The following TGFB2 variants were observed in gnomAD, a reference collection of about 807,000 sequenced individuals.
TGFB2 encodes the protein transforming growth factor beta-2 proprotein.
A neutral mutation model predicts 42.7 loss-of-function variants in TGFB2; 13 were observed. The observed-to-expected ratio is 0.30, with a 90% CI of 0.20 to 0.48. The LOEUF (loss-of-function observed/expected upper bound fraction) is 0.48, where lower values mean the gene tolerates loss of function less well. TGFB2 is among the 20% of genes least tolerant of loss of function. TGFB2 has a pLI of 0.99. For synonymous variants in TGFB2, 193 were observed against 193.6 expected (o/e 1.00, Z 0.03); for missense variants, 390 against 517.5 (o/e 0.75, Z 2.39).
chr1:218,396,853 T>C (rs1017763890), intron 1 of TGFB2, among the ~76,000 whole-genome samples: 6 of 152,196 alleles, frequency 3.9e-5, no homozygotes, highest in Admixed American at 3.9e-4. Context: ...AAATGTGCAG[T>C]CAAGGCAGAC....
rs1284010147 is a variant in TGFB2 at position 218,346,129 on chromosome 1, C to T, written c.-573C>T. On this transcript the variant is annotated 5_prime_UTR_variant, in exon 1 of 7. Transcript: ENST00000366930. The surrounding 1 kb of genome is among the most constrained non-coding windows in gnomAD (Gnocchi z 4.9). The stretch of plus-strand genomic sequence containing the variant: ...CTCTGCTCCGGAGCTGCTGCTGCTC[C>T]TGCTCTCAGCGCCGCAGTGGAAGGC... 6.4e-6 allele frequency: 1 copy of T among 155,414 alleles called. No individual in the cohort carries two copies. Among genetic ancestry groups the T allele is most frequent in the Non-Finnish European group, 1.4e-5 (1 of 70,710 alleles). The allele number at this position is 155,414 out of a possible 1,614,324, so 9.6% of individuals were successfully genotyped here.
intron 1 of TGFB2, among the ~76,000 whole-genome samples, chr1:218,401,537 T>C (rs1264548803): frequency 6.6e-6 from 1 of 152,116 alleles, no homozygotes; most frequent in African/African-American, 2.4e-5. Flanking sequence ...ATCGATTTGA[T>C]TGAACTGAAA....
chr1:218,407,541 A>C (rs1253580897), intron 2 of TGFB2, among the ~76,000 whole-genome samples: 2 of 152,228 alleles, frequency 1.3e-5, no homozygotes, highest in Non-Finnish European at 2.9e-5. Flanking sequence ...GTCAGAGAGC[A>C]TGCTTGTGTG....
chr1:218,433,555 G>A (rs1455148529), intron 2 of TGFB2, among the ~76,000 whole-genome samples: 1 of 152,192 alleles, frequency 6.6e-6, no homozygotes, highest in Non-Finnish European at 1.5e-5. Flanking sequence ...CAAAAGCTGA[G>A]GCATGACACA....
At chr1:218,430,664 CAG>C (rs1659778044) in intron 2 of TGFB2, among the ~76,000 whole-genome samples, 1 of 152,166 alleles carries the variant, frequency 6.6e-6, no homozygotes, top group African/African-American at 2.4e-5. Flanking sequence ...GGGAGATAAA[CAG>C]AGGATAGTGA....
chr1:218,362,831 C>T (rs898725996), intron 1 of TGFB2, among the ~76,000 whole-genome samples: 2 of 152,134 alleles, frequency 1.3e-5, no homozygotes, highest in Admixed American at 6.5e-5. Flanking sequence ...AGCCCCAAAC[C>T]AATATTCACT....
Position 218,352,739 on chromosome 1 carries a change from G to A in TGFB2, c.346+5692G>A, listed in dbSNP as rs562803783. Reference sequence around the variant, plus strand: ...TTGACTCTGAATGAAACTGCCCCTTGGCCTCTTCCCTACCATCTCTAAATT... The same window carrying A: ...TTGACTCTGAATGAAACTGCCCCTTAGCCTCTTCCCTACCATCTCTAAATT... On this transcript the variant is annotated intron_variant, in intron 1 of 6. Coordinates refer to ENST00000366930, the MANE Select transcript of TGFB2 (RefSeq NM_003238.6). Among the ~76,000 whole-genome samples, 29 of 152,148 alleles carry A rather than the reference G, an allele frequency of 1.9e-4. No homozygotes were observed. The East Asian group carries it at 4.8e-3, about 25-fold the overall frequency.
chr1:218,396,925 CT>C (rs1342618768), intron 1 of TGFB2, among the ~76,000 whole-genome samples: 1 of 152,210 alleles, frequency 6.6e-6, no homozygotes, highest in Non-Finnish European at 1.5e-5. Flanking sequence ...AACTCTTCCT[CT>C]TTTCTCTGTC....
At chr1:218,391,957 A>G (rs11466387) in intron 1 of TGFB2, among the ~76,000 whole-genome samples, 15 of 152,322 alleles carry the variant, frequency 9.8e-5, no homozygotes, top group African/African-American at 3.6e-4. Flanking sequence ...CAACTAGAAC[A>G]AGTGAATGGC....
At chr1:218,377,723 G>C (rs1020462685) in intron 1 of TGFB2, among the ~76,000 whole-genome samples, 14 of 151,582 alleles carry the variant, frequency 9.2e-5, no homozygotes, top group Admixed American at 6.6e-5. Flanking sequence ...CTATACCCTG[G>C]GTAGCTGTGG....
At chr1:218,421,998 C>T (rs1224891063) in intron 2 of TGFB2, among the ~76,000 whole-genome samples, 1 of 152,156 alleles carries the variant, frequency 6.6e-6, no homozygotes, top group Admixed American at 6.5e-5. Flanking sequence ...TTTCAGACTT[C>T]TAGCCCCCAG....
chr1:218,382,191 T>C (rs527676904), intron 1 of TGFB2, among the ~76,000 whole-genome samples: 2 of 152,288 alleles, frequency 1.3e-5, no homozygotes, highest in African/African-American at 4.8e-5. Context: ...CCCCACCTCC[T>C]GCAGTGCTCA....
At position 218,381,246 on chromosome 1, in the gene TGFB2, G is replaced by GTTTT. The variant is rs1254161258; in HGVS notation, c.347-23921_347-23918dup. ...AGATATTTGCCAAAGGCACATTTTT[G>GTTTT]TTTTTGTTTTTGTTTTTTTTTTTTT... On this transcript the variant is annotated intron_variant, in intron 1 of 6. Coordinates refer to ENST00000366930, the MANE Select transcript of TGFB2 (RefSeq NM_003238.6). Among the ~76,000 whole-genome samples, 3 of 131,080 alleles carry GTTTT rather than the reference G, an allele frequency of 2.3e-5. 1 individual carries two copies. Among genetic ancestry groups the GTTTT allele is most frequent in the African/African-American group, 8.2e-5 (3 of 36,612 alleles). The allele number at this position is 131,080 out of a possible 152,430, so 86.0% of individuals were successfully genotyped here.
intron 1 of TGFB2, among the ~76,000 whole-genome samples, chr1:218,394,963 T>C (rs907105621): frequency 1.2e-4 from 18 of 152,276 alleles, no homozygotes; most frequent in Admixed American, 9.8e-4. Context: ...CTCTGGGGAA[T>C]GGCTAATGAA....
At chr1:218,433,321 C>G (rs1403543030) in intron 2 of TGFB2, among the ~76,000 whole-genome samples, 7 of 152,176 alleles carry the variant, frequency 4.6e-5, no homozygotes, top group Non-Finnish European at 8.8e-5. Flanking sequence ...TCCAACTCAG[C>G]CTCCCAAAGT....
At chr1:218,357,508 C>T (rs950638276) in intron 1 of TGFB2, among the ~76,000 whole-genome samples, 2 of 152,312 alleles carry the variant, frequency 1.3e-5, no homozygotes, top group Admixed American at 6.5e-5. Context: ...AAAGCCTCAT[C>T]GTGCTGAGAA....
chr1:218,379,699 A>G (rs112018155), intron 1 of TGFB2, among the ~76,000 whole-genome samples: 252 of 152,250 alleles, frequency 1.7e-3, no homozygotes, highest in African/African-American at 5.6e-3. Context: ...CTCATGCCTG[A>G]GAGAAGTTCA....
At position 218,422,661 on chromosome 1, in the gene TGFB2, G is replaced by A. The variant is rs566075937; in HGVS notation, c.511-11421G>A. Among the ~76,000 whole-genome samples, 3 of 152,248 alleles carry A rather than the reference G, an allele frequency of 2.0e-5. No homozygotes were observed. The South Asian group carries it at 6.2e-4, about 32-fold the overall frequency. On this transcript the variant is annotated intron_variant, in intron 2 of 6. Transcript: ENST00000366930. ...TTCCCTGACCTCATCTACCTGGCAAGGATAGATGCCCTGCCTGTAACATTT... is the reference window on the plus strand; with the variant it reads ...TTCCCTGACCTCATCTACCTGGCAAAGATAGATGCCCTGCCTGTAACATTT...
chr1:218,423,021 C>T (rs2102614511), intron 2 of TGFB2, among the ~76,000 whole-genome samples: 1 of 152,246 alleles, frequency 6.6e-6, no homozygotes, highest in South Asian at 2.1e-4. Context: ...GTAAAAGGCT[C>T]CTCCAAAGCC....
Sources: allele counts gnomAD v4.1 joint callset (sites outside exome capture counted in the v4.1 genomes callset), GRCh38; gene constraint gnomAD v4.1.1; non-coding constraint Gnocchi (gnomAD v3.1); transcripts MANE v1.5; gene names NCBI Gene and HGNC (gene_info 2026-07-23, HGNC 2026-07-21).